Variants in DOCK4 observed in about 807,000 individuals in gnomAD.
The protein encoded by DOCK4 is dedicator of cytokinesis 4.
In DOCK4, 97 loss-of-function variants were observed where a neutral mutation model predicts 268.1. The observed-to-expected ratio is 0.36, with a 90% CI of 0.31 to 0.43. The LOEUF is 0.43. Among genes scored for constraint, DOCK4 ranks in the 20% least tolerant of loss-of-function variants. DOCK4 has a pLI of 1.00. For synonymous variants in DOCK4, 954 were observed against 887.2 expected, an observed-to-expected ratio of 1.08 and a Z score of -1.34; for missense variants, 2,145 against 2,455.7, an observed-to-expected ratio of 0.87 and a Z score of 2.67.
chr7:111,943,665 C>A (rs1465436811), intron 10 of DOCK4, among the ~76,000 whole-genome samples: 1 of 152,076 alleles, frequency 6.6e-6, no homozygotes, highest in Admixed American at 6.6e-5. Flanking sequence ...AGATTCTTTC[C>A]AATTTTTTTC....
chr7:111,906,035 A>G (rs1332735534), intron 13 of DOCK4, among the ~76,000 whole-genome samples: 3 of 152,214 alleles, frequency 2.0e-5, no homozygotes, highest in Admixed American at 2.0e-4. Context: ...TGAGGAAATT[A>G]AAGTGTAGGG....
chr7:111,904,125 T>C (rs959328551), intron 13 of DOCK4, among the ~76,000 whole-genome samples: 1 of 152,234 alleles, frequency 6.6e-6, no homozygotes, highest in African/African-American at 2.4e-5. Flanking sequence ...CAAGGTAACC[T>C]GTTTCCCTCT....
At chr7:111,849,865 G>A (rs958090691) in intron 23 of DOCK4, among the ~76,000 whole-genome samples, 9 of 152,156 alleles carry the variant, frequency 5.9e-5, no homozygotes, top group South Asian at 4.2e-4. Flanking sequence ...TGATATTTTC[G>A]ATTCCTGATC....
At chr7:112,026,360 G>A (rs1442581281) in intron 1 of DOCK4, among the ~76,000 whole-genome samples, 8 of 152,154 alleles carry the variant, frequency 5.3e-5, no homozygotes, top group Admixed American at 4.6e-4. Context: ...ATGCCCTAAT[G>A]GCTGATGATC....
chr7:112,140,052 C>T (rs1337020339), intron 1 of DOCK4, among the ~76,000 whole-genome samples: 1 of 152,150 alleles, frequency 6.6e-6, no homozygotes, highest in East Asian at 1.9e-4. Context: ...GGCCTCAAAG[C>T]TAAGGCACCA....
At chr7:111,861,596 A>C (rs1401531848) in intron 23 of DOCK4, among the ~76,000 whole-genome samples, 1 of 151,976 alleles carries the variant, frequency 6.6e-6, no homozygotes, top group Non-Finnish European at 1.5e-5. Context: ...AAATACAAAA[A>C]TTAGCCAGGC....
intron 13 of DOCK4, 61 bp from the exon 14 acceptor site, chr7:111,901,862 T>C: frequency 2.3e-6 from 3 of 1,311,180 alleles, no homozygotes; most frequent in South Asian, 2.7e-5. Context: ...AATAAAGTGC[T>C]CTATCAAGAA....
intron 8 of DOCK4, among the ~76,000 whole-genome samples, chr7:111,952,984 G>A (rs1796172973): frequency 6.6e-6 from 1 of 152,098 alleles, no homozygotes; most frequent in South Asian, 2.1e-4. Context: ...CCAGCACTTT[G>A]GGAGGCAGAA....
At chr7:111,962,933 C>T (rs112665900) in intron 8 of DOCK4, among the ~76,000 whole-genome samples, 2,172 of 152,232 alleles carry the variant, frequency 0.014, 50 homozygotes, top group African/African-American at 0.05. Context: ...GCTATTTTCT[C>T]AAATAAAGGC....
chr7:111,750,913 C>T (rs1410427775), intron 42 of DOCK4, among the ~76,000 whole-genome samples: 1 of 152,178 alleles, frequency 6.6e-6, no homozygotes, highest in Admixed American at 6.5e-5. Context: ...AACAAAAACC[C>T]CTCCAGTCGC....
intron 1 of DOCK4, among the ~76,000 whole-genome samples, chr7:112,061,272 G>A (rs1806359648): frequency 6.6e-6 from 1 of 152,112 alleles, no homozygotes; most frequent in African/African-American, 2.4e-5. Flanking sequence ...ACTGCAAATA[G>A]CCTCATCCTG....
intron 14 of DOCK4, 99 bp from the exon 15 acceptor site, chr7:111,900,635 T>G: frequency 7.8e-7 from 1 of 1,278,316 alleles, no homozygotes; most frequent in Non-Finnish European, 1.1e-6. Context: ...GCCTCTCAAA[T>G]AGCACTATGA....
At position 112,004,108 on chromosome 7, in the gene DOCK4, C is replaced by A. The variant is rs76521701; in HGVS notation, c.61G>T (p.Val21Phe). 1 of 1,596,786 alleles carries A rather than the reference C, an allele frequency of 6.3e-7. No homozygotes were observed. The highest frequency in any genetic ancestry group is 1.1e-5 in the South Asian group (1 of 87,572). Reference sequence around the variant, plus strand: ...ATTTCCAATGACAGGCCATATGGAACGGTTCCTCGGAAACTGGCAATAACT... The same window carrying A: ...ATTTCCAATGACAGGCCATATGGAAAGGTTCCTCGGAAACTGGCAATAACT... ...GVVIASFRGT[V>F]PYGLSLEIGD... The change falls in exon 2 of 53, where the codon GTT becomes TTT. Residue 21 changes from valine (V) to phenylalanine (F), a missense_variant. This residue lies in a region of DOCK4 where 1,598 missense variants were observed against 1,986.7 expected (regional missense o/e 0.80). Transcript: ENST00000428084.
chr7:111,915,927 G>A (rs375969297), intron 12 of DOCK4, 23 bp from the exon 13 acceptor site: 108 of 1,601,914 alleles, frequency 6.7e-5, no homozygotes, highest in African/African-American at 1.5e-4. Context: ...AGAGATACCC[G>A]AGTTAAAAAC....
chr7:111,928,235 T>C (rs1023961308), intron 12 of DOCK4, among the ~76,000 whole-genome samples: 1 of 152,220 alleles, frequency 6.6e-6, no homozygotes, highest in African/African-American at 2.4e-5. Flanking sequence ...TCCTCTACAA[T>C]AGTATCTATG....
chr7:111,907,715 A>G (rs930160989), intron 13 of DOCK4, among the ~76,000 whole-genome samples: 6 of 152,108 alleles, frequency 3.9e-5, no homozygotes. Context: ...TTTAGGATAT[A>G]TATAGATACA....
intron 1 of DOCK4, among the ~76,000 whole-genome samples, chr7:112,102,502 A>C (rs780950546): frequency 6.6e-6 from 1 of 152,208 alleles, no homozygotes. Context: ...TAGTATTATG[A>C]GGTGGGGCCT....
Position 111,804,607 on chromosome 7 carries a change from A to T in DOCK4, c.3166+4214T>A, listed in dbSNP as rs542084489. Among the ~76,000 whole-genome samples the T allele has an allele frequency of 3.5e-4, 53 of 149,470 alleles. No individual in the cohort carries two copies. In the East Asian group the frequency reaches 8.6e-3, roughly 24 times the overall value. On this transcript the variant is annotated intron_variant, in intron 30 of 52. Coordinates refer to ENST00000428084, the MANE Select transcript of DOCK4 (RefSeq NM_001363540.2). ...TGCACATTTATTTATATTTATTTTTATTTTTTTTTTGAGACAGAGTCTCGC... is the reference window on the plus strand; with the variant it reads ...TGCACATTTATTTATATTTATTTTTTTTTTTTTTTTGAGACAGAGTCTCGC...
intron 1 of DOCK4, among the ~76,000 whole-genome samples, chr7:112,167,561 A>G (rs1817712225): frequency 1.3e-5 from 2 of 152,248 alleles, no homozygotes; most frequent in South Asian, 4.1e-4. Context: ...GCAAAGATAC[A>G]TACTCACATT....
Sources: gnomAD v4.1 joint callset for allele counts (sites outside exome capture counted in the v4.1 genomes callset) on GRCh38, gnomAD v4.1.1 for gene constraint, gnomAD v4.1.1 regional missense constraint, MANE v1.5 for transcripts, NCBI Gene and HGNC (gene_info 2026-07-23, HGNC 2026-07-21) for gene names.